ARHGAP40: variants seen among roughly 807,000 people sequenced by gnomAD.
ARHGAP40 encodes Rho GTPase activating protein 40.
In ARHGAP40, 43 loss-of-function variants were observed where a neutral mutation model predicts 73.5. The ratio of observed to expected loss-of-function variants is 0.58; its 90% confidence interval spans 0.46 to 0.75. ARHGAP40 has a LOEUF of 0.75. ARHGAP40 is among the 30% of genes least tolerant of loss of function. The pLI is 0.00. For synonymous variants in ARHGAP40, 300 were observed against 352.8 expected (o/e 0.85, Z 1.68); for missense variants, 734 against 861.8 (o/e 0.85, Z 1.86).
intron 1 of ARHGAP40, among the ~76,000 whole-genome samples, chr20:38,618,806 A>G (rs2088857890): frequency 6.6e-6 from 1 of 152,166 alleles, no homozygotes; most frequent in African/African-American, 2.4e-5. Flanking sequence ...CTTGGTCACT[A>G]TGACCAGACA....
chr20:38,624,644 C>T (rs534299203), intron 2 of ARHGAP40, among the ~76,000 whole-genome samples: 2 of 71,838 alleles, frequency 2.8e-5, no homozygotes, highest in African/African-American at 3.1e-4. Context: ...TGCCTCAAGT[C>T]CTTTGGTTCT....
intron 3 of ARHGAP40, among the ~76,000 whole-genome samples, chr20:38,627,936 G>C (rs544979202): frequency 1.3e-5 from 2 of 152,186 alleles, no homozygotes; most frequent in African/African-American, 4.8e-5. Flanking sequence ...TTTCACTCAG[G>C]AAAGAATTCA....
intron 11 of ARHGAP40, 22 bp downstream of exon 11, chr20:38,643,932 G>A: frequency 7.8e-7 from 1 of 1,279,208 alleles, no homozygotes; most frequent in South Asian, 1.3e-5. Flanking sequence ...TGGGCGCTGG[G>A]TATCCCTCTG....
In ARHGAP40 at chr20:38,646,261, C is replaced by G; in HGVS notation, c.1710+74C>G. ...AGGGCACCTGGGGCGCGGTGCTTCCCTTCCTCCAGGTCCCCGCTACCGGGC... is the reference window on the plus strand; with the variant it reads ...AGGGCACCTGGGGCGCGGTGCTTCCGTTCCTCCAGGTCCCCGCTACCGGGC... On this transcript the variant is annotated intron_variant, in intron 12 of 14. Transcript: ENST00000373345. This position sits in a 1 kb window ranked among gnomAD's most constrained non-coding sequence, Gnocchi z 4.5. 1 of 1,218,406 alleles carries G rather than the reference C, an allele frequency of 8.2e-7. No individual in the cohort carries two copies. Among genetic ancestry groups the G allele is most frequent in the Non-Finnish European group, 1.1e-6 (1 of 942,930 alleles). 75.5% of individuals were successfully genotyped at this position (1,218,406 alleles called of 1,614,324 possible).
intron 1 of ARHGAP40, among the ~76,000 whole-genome samples, chr20:38,603,500 G>A (rs201538910): frequency 1.3e-5 from 2 of 149,228 alleles, no homozygotes; most frequent in African/African-American, 2.5e-5. Context: ...TATCTATTCT[G>A]TATCTAATCT....
intron 3 of ARHGAP40, among the ~76,000 whole-genome samples, chr20:38,627,475 G>A (rs1456571444): frequency 2.3e-5 from 2 of 88,514 alleles, no homozygotes; most frequent in African/African-American, 3.6e-5. Flanking sequence ...GTTTTGGGGT[G>A]TGTGTATGTT....
Position 38,646,322 on chromosome 20 carries a change from T to G in ARHGAP40, c.1710+135T>G, listed in dbSNP as rs1207029642. 6.4e-5 allele frequency: 66 copies of G among 1,032,018 alleles called. No individual in the cohort carries two copies. Among genetic ancestry groups the G allele is most frequent in the Non-Finnish European group, 7.6e-5 (62 of 820,106 alleles). The allele number at this position is 1,032,018 out of a possible 1,614,324, so 63.9% of individuals were successfully genotyped here. On this transcript the variant is annotated intron_variant, in intron 12 of 14. Transcript: ENST00000373345. The surrounding 1 kb of genome is among the most constrained non-coding windows in gnomAD (Gnocchi z 4.5). The stretch of plus-strand genomic sequence containing the variant: ...GGCCCAGTGAGGCCACCAGGGGGCG[T>G]TGCGGCGCCGTCACGGGGAGCGAGG...
At chr20:38,627,332 G>A in intron 3 of ARHGAP40, 117 bp downstream of exon 3, 1 of 977,002 alleles carries the variant, frequency 1.0e-6, no homozygotes, top group Non-Finnish European at 1.4e-6. Flanking sequence ...GTATGTGTGT[G>A]TTGGTGTGTG....
At chr20:38,649,608 G>A in intron 14 of ARHGAP40, 149 bp from the exon 15 acceptor site, 1 of 416,822 alleles carries the variant, frequency 2.4e-6, no homozygotes. Flanking sequence ...GCGGAGCTCA[G>A]TTCTCCAGCA....
intron 1 of ARHGAP40, among the ~76,000 whole-genome samples, chr20:38,618,994 G>A (rs574638456): frequency 4.1e-4 from 62 of 152,294 alleles, no homozygotes; most frequent in South Asian, 1.2e-3. Flanking sequence ...TCTAGGCACT[G>A]GGGAGACAGC....
At chr20:38,629,291 T>C (rs1248308526) in intron 4 of ARHGAP40, among the ~76,000 whole-genome samples, 1 of 152,108 alleles carries the variant, frequency 6.6e-6, no homozygotes, top group Admixed American at 6.5e-5. Context: ...AGCTAGGAAA[T>C]CATTTCCTGG....
intron 1 of ARHGAP40, among the ~76,000 whole-genome samples, chr20:38,622,111 T>A (rs6026868): frequency 0.24 from 34,651 of 147,172 alleles, 4,359 homozygotes; most frequent in African/African-American, 0.37. Context: ...ATATATATAT[T>A]TTTTTTTTAA....
At chr20:38,647,204 G>C in intron 13 of ARHGAP40, 78 bp downstream of exon 13, 1 of 1,204,056 alleles carries the variant, frequency 8.3e-7, no homozygotes, top group South Asian at 1.5e-5. Flanking sequence ...GGCCACCAGG[G>C]GGTTACACAT....
At chr20:38,627,414 G>T (rs1217186127) in intron 3 of ARHGAP40, among the ~76,000 whole-genome samples, 199 bp downstream of exon 3, 1 of 114,498 alleles carries the variant, frequency 8.7e-6, no homozygotes, top group East Asian at 2.3e-4. Flanking sequence ...GGGTATGTGT[G>T]TTGGGGGTGT....
At chr20:38,641,269 T>TCCTACCTA (rs2089016797) in intron 9 of ARHGAP40, among the ~76,000 whole-genome samples, 1 of 152,112 alleles carries the variant, frequency 6.6e-6, no homozygotes, top group South Asian at 2.1e-4. Context: ...TACTACCTCC[T>TCCTACCTA]CCTACCTACC....
intron 1 of ARHGAP40, among the ~76,000 whole-genome samples, chr20:38,613,543 TG>T (rs2088816228): frequency 6.6e-6 from 1 of 152,122 alleles, no homozygotes; most frequent in Non-Finnish European, 1.5e-5. Context: ...CAAAGCTTAC[TG>T]GGAGATTCCA....
Position 38,639,298 on chromosome 20 carries a change from C to T in ARHGAP40, c.1191C>T (p.Asp397=), listed in dbSNP as rs370709098. The T allele has an allele frequency of 4.3e-5, 56 of 1,305,366 alleles. No individual in the cohort carries two copies. The African/African-American group carries it at 6.1e-4, about 14-fold the overall frequency. The allele number at this position is 1,305,366 out of a possible 1,614,324, so 80.9% of individuals were successfully genotyped here. The change falls in exon 9 of 15, where the codon GAC becomes GAT. Residue 397 remains aspartate, a synonymous_variant. Transcript: ENST00000373345. ...GCTGGGACGAGGTTCATCACAATGA[C>T]GCCTCTGATTTGCTCAAAAGGTTCA...
At chr20:38,645,007 T>C (rs2089042628) in intron 11 of ARHGAP40, among the ~76,000 whole-genome samples, 1 of 152,198 alleles carries the variant, frequency 6.6e-6, no homozygotes, top group South Asian at 2.1e-4. Flanking sequence ...TCTCTGACTG[T>C]TCCCACTTTT....
In ARHGAP40 at chr20:38,646,194, GC is replaced by G; in HGVS notation, c.1710+12del. 1 of 1,298,482 alleles carries G rather than the reference GC, an allele frequency of 7.7e-7. No homozygotes were observed. Among genetic ancestry groups the G allele is most frequent in the Non-Finnish European group, 1.0e-6 (1 of 985,458 alleles). 80.4% of individuals were successfully genotyped at this position (1,298,482 alleles called of 1,614,324 possible). On this transcript the variant is annotated splice_region_variant and intron_variant, in intron 12 of 14. Transcript: ENST00000373345. The surrounding 1 kb of genome is among the most constrained non-coding windows in gnomAD (Gnocchi z 4.5). ...GGGGGACGGCCTCGAGGCGGTGAGT[GC>G]CCCCGACCCCAGACAGGTGGAGAAG...
Sources: allele counts gnomAD v4.1 joint callset (sites outside exome capture counted in the v4.1 genomes callset), GRCh38; gene constraint gnomAD v4.1.1; non-coding constraint Gnocchi (gnomAD v3.1); transcripts MANE v1.5; gene names NCBI Gene and HGNC (gene_info 2026-07-23, HGNC 2026-07-21).